The following TBC1D1 variants were observed in gnomAD, a reference collection of about 807,000 sequenced individuals.
TBC1D1 encodes TBC1 (tre-2/USP6, BUB2, cdc16) domain family, member 1.
TBC1D1 carries 89 observed loss-of-function variants against 125.6 expected under a neutral mutation model. The ratio of observed to expected loss-of-function variants is 0.71; its 90% CI spans 0.60 to 0.85. The LOEUF is 0.85. TBC1D1 is among the 40% of genes least tolerant of loss of function. The pLI is 0.00. For synonymous variants in TBC1D1, 565 were observed against 564.1 expected (o/e 1.00, Z -0.02); for missense variants, 1,377 against 1,469.2 (o/e 0.94, Z 1.03).
At chr4:37,942,546 G>GTT (rs1372205309) in intron 2 of TBC1D1, among the ~76,000 whole-genome samples, 1 of 147,232 alleles carries the variant, frequency 6.8e-6, no homozygotes, top group Middle Eastern at 3.5e-3. Context: ...TGTTTTTTTT[G>GTT]TTTTTTTTTT....
rs1233973217 is a variant in TBC1D1 at position 37,977,832 on chromosome 4, C to T, written c.418-36677C>T. Among the ~76,000 whole-genome samples the T allele has an allele frequency of 6.6e-6, 1 of 152,156 alleles. No homozygotes were observed. Among genetic ancestry groups the T allele is most frequent in the African/African-American group, 2.4e-5 (1 of 41,456 alleles). ...CGGCTCCTCCGGCCCCTGTCGCTCCCCGCGCCGCGGAGCTGCCGCTCGGTG... is the reference window on the plus strand; with the variant it reads ...CGGCTCCTCCGGCCCCTGTCGCTCCTCGCGCCGCGGAGCTGCCGCTCGGTG... On this transcript the variant is annotated intron_variant, in intron 2 of 19. Coordinates refer to ENST00000261439, the MANE Select transcript of TBC1D1 (RefSeq NM_015173.4). This position sits in a 1 kb window ranked among gnomAD's most constrained non-coding sequence, Gnocchi z 4.3.
At chr4:38,016,112 G>A (rs531935601) in intron 3 of TBC1D1, among the ~76,000 whole-genome samples, 3 of 152,268 alleles carry the variant, frequency 2.0e-5, no homozygotes, top group Admixed American at 6.5e-5. Flanking sequence ...CTGCCCACAT[G>A]GAATTTAGAT....
intron 19 of TBC1D1, among the ~76,000 whole-genome samples, 178 bp from the exon 22 acceptor site, chr4:38,136,957 C>G (rs952970099): frequency 6.6e-6 from 1 of 152,094 alleles, no homozygotes; most frequent in Non-Finnish European, 1.5e-5. Context: ...GCCTGGCCAC[C>G]GACCTGCAAG....
chr4:37,947,524 G>A (rs969604724), intron 2 of TBC1D1, among the ~76,000 whole-genome samples: 2 of 151,968 alleles, frequency 1.3e-5, no homozygotes, highest in Non-Finnish European at 2.9e-5. Context: ...ATAGTCGTGC[G>A]ATCATAGCTC....
intron 2 of TBC1D1, among the ~76,000 whole-genome samples, chr4:37,985,027 A>G (rs1735150780): frequency 6.6e-6 from 1 of 151,688 alleles, no homozygotes; most frequent in Non-Finnish European, 1.5e-5. Context: ...ATCTCGGCTC[A>G]CTGCAACCTC....
chr4:38,051,597 T>C (rs1405715383), intron 11 of TBC1D1, among the ~76,000 whole-genome samples: 1 of 152,034 alleles, frequency 6.6e-6, no homozygotes, highest in Non-Finnish European at 1.5e-5. Flanking sequence ...GTGATCGTGC[T>C]ACCGCACTCC....
At chr4:38,133,937 A>G (rs1766032642) in intron 19 of TBC1D1, among the ~76,000 whole-genome samples, 1 of 152,198 alleles carries the variant, frequency 6.6e-6, no homozygotes, top group Non-Finnish European at 1.5e-5. Flanking sequence ...ACACTGCCCA[A>G]AAGAACACCT....
rs745975152 is a variant in TBC1D1 at position 37,902,205 on chromosome 4, T to C, written c.110T>C (p.Met37Thr). The change falls in exon 2 of 20, where the codon ATG (methionine) becomes ACG (threonine). Residue 37 changes from methionine (M) to threonine (T), a missense_variant. Physicochemically the swap from Met to Thr is moderately conservative, Grantham distance 81. Transcript: ENST00000261439. ...CTGCCTGTGCATTCCCTGACCACCATGCCCATGCTGCCCTGGGTTGTGGCT... is the reference window on the plus strand; with the variant it reads ...CTGCCTGTGCATTCCCTGACCACCACGCCCATGCTGCCCTGGGTTGTGGCT... 1.2e-6 allele frequency: 2 copies of C among 1,614,056 alleles called. No individual in the cohort carries two copies. The highest frequency in any genetic ancestry group is 1.1e-5 in the South Asian group (1 of 91,074).
intron 12 of TBC1D1, among the ~76,000 whole-genome samples, chr4:38,082,219 G>A (rs909512276): frequency 2.6e-5 from 4 of 152,160 alleles, no homozygotes; most frequent in South Asian, 2.1e-4. Flanking sequence ...AAATAAGGGC[G>A]GGGTGGCGAA....
chr4:38,011,631 T>G (rs182299071), intron 2 of TBC1D1, among the ~76,000 whole-genome samples: 2 of 152,338 alleles, frequency 1.3e-5, no homozygotes, highest in Admixed American at 6.5e-5. Context: ...ACATAACTTC[T>G]TGGTGCTTCT....
intron 18 of TBC1D1, among the ~76,000 whole-genome samples, chr4:38,125,483 T>C (rs1216309888): frequency 1.3e-5 from 2 of 152,214 alleles, no homozygotes; most frequent in East Asian, 3.8e-4. Context: ...GTACATTGAG[T>C]GCTTTGATTT....
intron 2 of TBC1D1, among the ~76,000 whole-genome samples, chr4:37,974,219 C>T (rs908006885): frequency 1.3e-5 from 2 of 152,062 alleles, no homozygotes; most frequent in Non-Finnish European, 2.9e-5. Flanking sequence ...TCAAGGGTGG[C>T]CTCTGTTGGA....
chr4:38,101,370 C>T (rs1760302178), intron 14 of TBC1D1, among the ~76,000 whole-genome samples: 1 of 152,170 alleles, frequency 6.6e-6, no homozygotes, highest in Non-Finnish European at 1.5e-5. Flanking sequence ...TCTTGCTCTC[C>T]CCCTTTCCAC....
chr4:38,013,276 G>A (rs529653110), intron 2 of TBC1D1, among the ~76,000 whole-genome samples: 2 of 152,252 alleles, frequency 1.3e-5, no homozygotes, highest in South Asian at 2.1e-4. Context: ...AAAATCTTTC[G>A]AGTCATTGGT....
intron 2 of TBC1D1, among the ~76,000 whole-genome samples, chr4:37,922,316 G>A (rs1721176508): frequency 6.6e-6 from 1 of 152,176 alleles, no homozygotes; most frequent in Non-Finnish European, 1.5e-5. Context: ...AGGAAACTGA[G>A]GCTCGGGCTT....
chr4:37,962,296 C>T (rs1730214679), intron 2 of TBC1D1, among the ~76,000 whole-genome samples: 1 of 152,226 alleles, frequency 6.6e-6, no homozygotes. Context: ...GAAGACATCA[C>T]ATTCTGTAAA....
At chr4:38,109,131 C>T (rs531146794) in intron 15 of TBC1D1, among the ~76,000 whole-genome samples, 1 of 152,286 alleles carries the variant, frequency 6.6e-6, no homozygotes, top group East Asian at 1.9e-4. Context: ...AGAAAGGGAC[C>T]TAGAATGTAA....
intron 2 of TBC1D1, among the ~76,000 whole-genome samples, chr4:37,974,714 C>T (rs946255389): frequency 3.9e-5 from 6 of 152,144 alleles, no homozygotes; most frequent in Non-Finnish European, 7.3e-5. Flanking sequence ...CATGCCATCA[C>T]GCCTGGCTAA....
At chr4:38,135,837 A>G (rs966034331) in intron 19 of TBC1D1, among the ~76,000 whole-genome samples, 1 of 150,160 alleles carries the variant, frequency 6.7e-6, no homozygotes, top group Non-Finnish European at 1.5e-5. Flanking sequence ...TGTTTGAAAA[A>G]TGAAAAATAT....
Sources: gnomAD v4.1 joint callset for allele counts (sites outside exome capture counted in the v4.1 genomes callset) on GRCh38, gnomAD v4.1.1 for gene constraint, Gnocchi (gnomAD v3.1) non-coding constraint, MANE v1.5 for transcripts, NCBI Gene and HGNC (gene_info 2026-07-23, HGNC 2026-07-21) for gene names.